The following NTM variants were observed in gnomAD, a reference collection of about 807,000 sequenced individuals.
The protein encoded by NTM is IgLON family member 2.
In NTM, 13 loss-of-function variants were observed where a neutral mutation model predicts 42.1. The observed-to-expected ratio is 0.31, with a 90% CI of 0.20 to 0.49. The LOEUF is 0.49. Ranked by LOEUF, NTM falls within the 20% of genes least tolerant of loss-of-function variation. The pLI is 0.99. For synonymous variants in NTM, 187 were observed against 179.2 expected (o/e 1.04, Z -0.35); for missense variants, 373 against 452.8 (o/e 0.82, Z 1.60).
chr11:132,299,394 AT>A (rs1200413164), intron 4 of NTM, among the ~76,000 whole-genome samples: 1 of 152,222 alleles, frequency 6.6e-6, no homozygotes, highest in African/African-American at 2.4e-5. Flanking sequence ...GGAAGGGAAC[AT>A]GGTGCAAAAG....
chr11:131,422,530 C>T (rs1002245497), intron 1 of NTM, among the ~76,000 whole-genome samples: 6 of 152,220 alleles, frequency 3.9e-5, no homozygotes, highest in Admixed American at 3.9e-4. Context: ...TGCTCTGTGA[C>T]AAATTTCTTG....
chr11:131,693,376 C>A (rs56890280), intron 1 of NTM, among the ~76,000 whole-genome samples: 91 of 152,274 alleles, frequency 6.0e-4, no homozygotes, highest in South Asian at 6.2e-4. Flanking sequence ...GACAGCCTGA[C>A]GGATAGCAAC....
rs557420484 is a variant in NTM at position 132,124,648 on chromosome 11, G to A, written c.168-21634G>A. On this transcript the variant is annotated intron_variant, in intron 2 of 8. Transcript: ENST00000683400. ...GCGCGCGCACGCGCAGGGCGGGGTT[G>A]CTTGGGTAATTTATAAAGTACAGGC... Among the ~76,000 whole-genome samples the A allele has an allele frequency of 1.4e-4, 22 of 152,294 alleles. No individual in the cohort carries two copies. In the East Asian group the frequency reaches 2.3e-3, roughly 16 times the overall value.
chr11:131,768,119 T>A (rs966410427), intron 1 of NTM, among the ~76,000 whole-genome samples: 4 of 109,944 alleles, frequency 3.6e-5, no homozygotes, highest in Non-Finnish European at 6.7e-5. Context: ...TTGCAAAAAC[T>A]TATTTTTTTT....
At chr11:131,852,000 G>A (rs191538794) in intron 1 of NTM, among the ~76,000 whole-genome samples, 1 of 152,252 alleles carries the variant, frequency 6.6e-6, no homozygotes, top group African/African-American at 2.4e-5. Flanking sequence ...TTGCCATGTT[G>A]AGGATGAGCT....
At chr11:132,049,682 G>T (rs1201940360) in intron 2 of NTM, among the ~76,000 whole-genome samples, 4 of 152,174 alleles carry the variant, frequency 2.6e-5, no homozygotes, top group Non-Finnish European at 4.4e-5. Context: ...GTGACTGGTG[G>T]GATGTGACAC....
intron 4 of NTM, among the ~76,000 whole-genome samples, chr11:132,214,793 A>T (rs1592271713): frequency 6.6e-6 from 1 of 152,308 alleles, no homozygotes; most frequent in East Asian, 1.9e-4. Context: ...TTTAGCTGCT[A>T]TGGAAACAGA....
At chr11:131,796,366 A>G (rs2091560258) in intron 1 of NTM, 1 of 156,162 alleles carries the variant, frequency 6.4e-6, no homozygotes, top group Non-Finnish European at 1.4e-5. Flanking sequence ...GCAGAGGGGC[A>G]TTGCTGCTGC....
intron 1 of NTM, among the ~76,000 whole-genome samples, chr11:131,821,819 G>C (rs2093202279): frequency 6.6e-6 from 1 of 152,182 alleles, no homozygotes; most frequent in South Asian, 2.1e-4. Flanking sequence ...ACCATTGACT[G>C]ATCCATGATA....
At chr11:132,155,807 C>G (rs1429627462) in intron 3 of NTM, among the ~76,000 whole-genome samples, 1 of 152,138 alleles carries the variant, frequency 6.6e-6, no homozygotes. Context: ...CATCATGTGT[C>G]AAGTCCTGAA....
At position 131,579,317 on chromosome 11, in the gene NTM, C is replaced by A. The variant is rs2058193973; in HGVS notation, c.82+208429C>A. On this transcript the variant is annotated intron_variant, in intron 1 of 8. Transcript: ENST00000683400. ...AAACAAAAACAGAAATATAAACTAT[C>A]TGTTTTGCTGATTGTAAGTTTCCCA... 4.9e-5 allele frequency among the ~76,000 whole-genome samples: 7 copies of A among 141,658 alleles called. No homozygotes were observed. In the South Asian group the frequency reaches 1.0e-3, roughly 21 times the overall value. The allele number at this position is 141,658 out of a possible 152,430, so 92.9% of individuals were successfully genotyped here.
At chr11:131,769,544 T>C (rs1366812768) in intron 1 of NTM, 3 of 929,242 alleles carry the variant, frequency 3.2e-6, no homozygotes, top group Non-Finnish European at 3.9e-6. Flanking sequence ...TCCTTTTTTT[T>C]CTGGAAGATC....
chr11:132,042,281 A>T (rs76376806), intron 2 of NTM, among the ~76,000 whole-genome samples: 167 of 152,284 alleles, frequency 1.1e-3, no homozygotes, highest in Non-Finnish European at 1.7e-3. Context: ...TGCCCCATGT[A>T]TCAGTAGAAG....
intron 1 of NTM, among the ~76,000 whole-genome samples, chr11:131,522,000 A>C (rs1021673284): frequency 6.6e-6 from 1 of 152,216 alleles, no homozygotes; most frequent in Non-Finnish European, 1.5e-5. Context: ...GCAAATTAAA[A>C]TTTAAATTGA....
intron 5 of NTM, among the ~76,000 whole-genome samples, chr11:132,308,858 TAAAG>T (rs375812574): frequency 6.8e-4 from 103 of 151,940 alleles, no homozygotes; most frequent in African/African-American, 2.0e-3. Context: ...ACTTAAAACA[TAAAG>T]AAACAGAAGC....
intron 1 of NTM, among the ~76,000 whole-genome samples, chr11:131,703,559 G>A (rs2076281186): frequency 6.6e-6 from 1 of 152,188 alleles, no homozygotes; most frequent in African/African-American, 2.4e-5. Context: ...CCAGATGGCA[G>A]AACAGGAAAT....
rs140999711 is a variant in NTM, at chr11:131,878,956, G to A, written c.83-32608G>A. Among the ~76,000 whole-genome samples, 61 of 151,980 alleles carry A rather than the reference G, an allele frequency of 4.0e-4. 2 individuals carry two copies. In the East Asian group the frequency reaches 5.8e-3, roughly 15 times the overall value. On this transcript the variant is annotated intron_variant, in intron 1 of 8. Transcript: ENST00000683400. ...CTCTCACTTCCTTGCCACTATGTAC[G>A]CTGCCAATCAGGAAATTGACACTGA...
intron 2 of NTM, among the ~76,000 whole-genome samples, chr11:132,088,355 C>T (rs1312633435): frequency 1.3e-5 from 2 of 152,130 alleles, no homozygotes; most frequent in African/African-American, 4.8e-5. Flanking sequence ...CTTACCCTTC[C>T]TCATGTCCCC....
At chr11:131,482,755 G>T (rs1453558683) in intron 1 of NTM, among the ~76,000 whole-genome samples, 1 of 152,196 alleles carries the variant, frequency 6.6e-6, no homozygotes, top group Admixed American at 6.5e-5. Context: ...ATTTGGGAGA[G>T]TGGATAGACA....
Sources: allele counts gnomAD v4.1 joint callset (sites outside exome capture counted in the v4.1 genomes callset), GRCh38; gene constraint gnomAD v4.1.1; transcripts MANE v1.5; gene names NCBI Gene and HGNC (gene_info 2026-07-23, HGNC 2026-07-21).